Variants in CDK6 observed in about 807,000 individuals in gnomAD.
CDK6 encodes cyclin-dependent kinase 6.
CDK6 carries 6 observed loss-of-function variants against 37.1 expected under a neutral mutation model. The ratio of observed to expected loss-of-function variants is 0.16; its 90% CI spans 0.09 to 0.32. The LOEUF (loss-of-function observed/expected upper bound fraction) is 0.32. Ranked by LOEUF, CDK6 falls within the 10% of genes least tolerant of loss-of-function variation. CDK6 has a pLI of 1.00. For synonymous variants in CDK6, 160 were observed against 161.3 expected, an observed-to-expected ratio of 0.99 and a Z score of 0.06; for missense variants, 224 against 418.9, an observed-to-expected ratio of 0.53 and a Z score of 4.06.
In CDK6 at chr7:92,833,762, C is replaced by T. The variant is rs1354965550; in HGVS notation, c.-367-72G>A. The T allele has an allele frequency of 4.9e-6, 2 of 410,288 alleles. No individual in the cohort carries two copies. Among genetic ancestry groups the T allele is most frequent in the Non-Finnish European group, 8.5e-6 (2 of 234,374 alleles). The allele number at this position is 410,288 out of a possible 1,614,324, so 25.4% of individuals were successfully genotyped here. A position where few individuals can be genotyped will look rare whatever the true frequency, so the allele number is the denominator to read the frequency against. On this transcript the variant is annotated intron_variant, in intron 1 of 7. Coordinates refer to ENST00000424848, the MANE Select transcript of CDK6 (RefSeq NM_001145306.2). This position sits in a 1 kb window ranked among gnomAD's most constrained non-coding sequence, Gnocchi z 6.1. ...CCAGAAGCCTTCCTCGGGGTTCCTC[C>T]AGACTCCCCTCCTCCTCCTTTACGA...
intron 3 of CDK6, among the ~76,000 whole-genome samples, chr7:92,748,690 T>G (rs983751807): frequency 6.6e-6 from 1 of 152,032 alleles, no homozygotes; most frequent in African/African-American, 2.4e-5. Context: ...ATAGAATAAA[T>G]AAAATGAAAT....
chr7:92,613,301 C>T lies in CDK6; in HGVS notation c.*1839G>A, dbSNP rs1273716962. ...CAACTTAATAATGCATAAACATGAT[C>T]TGAATTATTTTCTGAGTGCAGCAAC... On this transcript the variant is annotated 3_prime_UTR_variant, in exon 8 of 8. Coordinates refer to ENST00000424848, the MANE Select transcript of CDK6 (RefSeq NM_001145306.2). The T allele has an allele frequency of 8.6e-6, 2 of 233,214 alleles. No individual in the cohort carries two copies. The highest frequency in any genetic ancestry group is 4.4e-5 in the African/African-American group (2 of 45,340). 14.4% of individuals were successfully genotyped at this position (233,214 alleles called of 1,614,324 possible). A position where few individuals can be genotyped will look rare whatever the true frequency, so the allele number is the denominator to read the frequency against.
chr7:92,782,944 G>A (rs1274038357), intron 2 of CDK6, among the ~76,000 whole-genome samples: 1 of 152,204 alleles, frequency 6.6e-6, no homozygotes, highest in African/African-American at 2.4e-5. Context: ...TGTCCTCAAA[G>A]TGACTGTCCC....
chr7:92,672,889 TTC>T (rs1466397520), intron 4 of CDK6, among the ~76,000 whole-genome samples: 1 of 152,228 alleles, frequency 6.6e-6, no homozygotes, highest in Non-Finnish European at 1.5e-5. Context: ...ATCAATTTCC[TTC>T]TCTCCTTATT....
intron 3 of CDK6, among the ~76,000 whole-genome samples, chr7:92,739,185 A>T (rs1408875559): frequency 6.6e-6 from 1 of 152,164 alleles, no homozygotes; most frequent in African/African-American, 2.4e-5. Context: ...CTTTGCAATT[A>T]TACTTCTCAA....
intron 2 of CDK6, among the ~76,000 whole-genome samples, chr7:92,832,684 ACT>A (rs1176023730): frequency 1.3e-5 from 2 of 152,042 alleles, no homozygotes; most frequent in African/African-American, 4.8e-5. Context: ...AGTCTCACCT[ACT>A]CTGTCTTTCA....
intron 4 of CDK6, among the ~76,000 whole-genome samples, chr7:92,683,932 C>T (rs1407616032): frequency 6.6e-6 from 1 of 152,136 alleles, no homozygotes; most frequent in African/African-American, 2.4e-5. Context: ...TGTTAAATAC[C>T]AGAATGGATT....
At chr7:92,681,105 G>A (rs982431202) in intron 4 of CDK6, among the ~76,000 whole-genome samples, 3 of 152,148 alleles carry the variant, frequency 2.0e-5, no homozygotes, top group African/African-American at 7.2e-5. Flanking sequence ...GAGAATATGA[G>A]GACAATACTG....
At chr7:92,770,319 C>CTTT (rs746741500) in intron 3 of CDK6, among the ~76,000 whole-genome samples, 6 of 90,926 alleles carry the variant, frequency 6.6e-5, no homozygotes, top group South Asian at 3.4e-4. Context: ...TCTATGTATG[C>CTTT]TTTTTTTTTT....
intron 3 of CDK6, among the ~76,000 whole-genome samples, chr7:92,727,708 G>C (rs1218740797): frequency 6.6e-6 from 1 of 152,138 alleles, no homozygotes; most frequent in Non-Finnish European, 1.5e-5. Flanking sequence ...AGATCCCCCT[G>C]AGTGAATATT....
At chr7:92,734,239 C>T (rs1798725364) in intron 3 of CDK6, among the ~76,000 whole-genome samples, 1 of 152,192 alleles carries the variant, frequency 6.6e-6, no homozygotes, top group Admixed American at 6.5e-5. Context: ...ACCTCTGAGG[C>T]TCCCACTATA....
At chr7:92,819,475 T>A (rs1377711906) in intron 2 of CDK6, among the ~76,000 whole-genome samples, 2 of 152,090 alleles carry the variant, frequency 1.3e-5, no homozygotes, top group African/African-American at 4.8e-5. Flanking sequence ...TGAATAAATT[T>A]GTCGAAACTC....
rs1434883987 is a variant in CDK6 at position 92,672,166 on chromosome 7, T to TACACAC, written c.538-637_538-632dup. On this transcript the variant is annotated intron_variant, in intron 4 of 7. Transcript: ENST00000424848. Reference sequence around the variant, plus strand: ...ATATATATATATATATATATACACATACACACACACACACACAGACACATA... The same window carrying TACACAC: ...ATATATATATATATATATATACACATACACACACACACACACACACACAGACACATA... Among the ~76,000 whole-genome samples, 145 of 38,578 alleles carry TACACAC rather than the reference T, an allele frequency of 3.8e-3. 2 individuals are homozygous for TACACAC. Among genetic ancestry groups the TACACAC allele is most frequent in the Non-Finnish European group, 4.1e-3 (87 of 21,160 alleles). The allele number at this position is 38,578 out of a possible 152,430, so 25.3% of individuals were successfully genotyped here. A position where few individuals can be genotyped will look rare whatever the true frequency, so the allele number is the denominator to read the frequency against.
At chr7:92,774,586 C>A (rs1799800062) in intron 3 of CDK6, 110 bp downstream of exon 3, 1 of 952,110 alleles carries the variant, frequency 1.1e-6, no homozygotes, top group Non-Finnish European at 1.5e-6. Flanking sequence ...TAACTATATA[C>A]CGAATTCTAA....
intron 5 of CDK6, among the ~76,000 whole-genome samples, chr7:92,631,299 G>A (rs1796045535): frequency 6.6e-6 from 1 of 152,054 alleles, no homozygotes; most frequent in African/African-American, 2.4e-5. Context: ...GGGATGGTTG[G>A]TCACCCTATC....
intron 4 of CDK6, among the ~76,000 whole-genome samples, chr7:92,694,334 A>G (rs1401232619): frequency 6.6e-6 from 1 of 152,186 alleles, no homozygotes; most frequent in African/African-American, 2.4e-5. Context: ...CCAACTCCAG[A>G]ATCCTATAAT....
chr7:92,715,109 T>C (rs116755322), intron 4 of CDK6, among the ~76,000 whole-genome samples: 303 of 152,310 alleles, frequency 2.0e-3, no homozygotes, highest in African/African-American at 6.9e-3. Context: ...CAGCCATGTA[T>C]TTATAAAACA....
At chr7:92,625,963 A>G (rs1449297584) in intron 5 of CDK6, among the ~76,000 whole-genome samples, 1 of 152,092 alleles carries the variant, frequency 6.6e-6, no homozygotes, top group Non-Finnish European at 1.5e-5. Context: ...AGAATTTTCC[A>G]TGTTCATAAA....
chr7:92,784,538 T>A (rs1800074862), intron 2 of CDK6, among the ~76,000 whole-genome samples: 1 of 152,134 alleles, frequency 6.6e-6, no homozygotes, highest in Non-Finnish European at 1.5e-5. Flanking sequence ...TTACCTTCAA[T>A]CAGCCACTCC....
Sources: allele counts gnomAD v4.1 joint callset (sites outside exome capture counted in the v4.1 genomes callset), GRCh38; gene constraint gnomAD v4.1.1; non-coding constraint Gnocchi (gnomAD v3.1); transcripts MANE v1.5; gene names NCBI Gene and HGNC (gene_info 2026-07-23, HGNC 2026-07-21).